The following GPC5 variants were observed in gnomAD, a reference collection of about 807,000 sequenced individuals.
GPC5 encodes the protein glypican 5.
In GPC5, 47 loss-of-function variants were observed where a neutral mutation model predicts 53.9. The observed-to-expected ratio is 0.87, with a 90% CI of 0.69 to 1.11. GPC5 has a LOEUF of 1.11. Among genes scored for constraint, GPC5 ranks in the 50% most tolerant of loss-of-function variants. The probability of loss-of-function intolerance (pLI) is 0.00; values close to 1 mark genes in which losing one functional copy is unlikely to be tolerated. For missense variants in GPC5, 748 were observed against 713.1 expected, an observed-to-expected ratio of 1.05 and a Z score of -0.56; for synonymous variants, 286 against 263.3, an observed-to-expected ratio of 1.09 and a Z score of -0.84.
At chr13:92,217,714 T>C (rs2042420810) in intron 7 of GPC5, among the ~76,000 whole-genome samples, 1 of 152,102 alleles carries the variant, frequency 6.6e-6, no homozygotes, top group South Asian at 2.1e-4. Flanking sequence ...GAATATTTTT[T>C]TTTCTTTTAA....
intron 7 of GPC5, among the ~76,000 whole-genome samples, chr13:92,705,569 AT>A (rs1389276140): frequency 3.3e-5 from 5 of 152,278 alleles, no homozygotes; most frequent in African/African-American, 9.6e-5. Flanking sequence ...TCTTGAAATA[AT>A]TTTTGTAAAT....
intron 7 of GPC5, among the ~76,000 whole-genome samples, chr13:92,192,384 T>C (rs909238794): frequency 3.3e-5 from 5 of 152,178 alleles, no homozygotes; most frequent in Admixed American, 3.3e-4. Flanking sequence ...GTTGTGAACA[T>C]ATAACTGCTC....
intron 7 of GPC5, among the ~76,000 whole-genome samples, chr13:92,830,951 T>C (rs2138821029): frequency 6.6e-6 from 1 of 152,242 alleles, no homozygotes; most frequent in Non-Finnish European, 1.5e-5. Context: ...TTCAGAGCAG[T>C]GGTACTTGGC....
chr13:91,568,027 C>T (rs2138971668), intron 2 of GPC5, among the ~76,000 whole-genome samples: 1 of 152,298 alleles, frequency 6.6e-6, no homozygotes. Context: ...TTTTCCTTCA[C>T]ATGCTAACAC....
intron 7 of GPC5, among the ~76,000 whole-genome samples, chr13:92,683,072 T>C (rs1887155660): frequency 1.3e-5 from 2 of 152,160 alleles, no homozygotes; most frequent in Non-Finnish European, 1.5e-5. Context: ...CACTGCAGTA[T>C]TTAGTGTCTA....
At chr13:92,821,430 G>A (rs762927108) in intron 7 of GPC5, among the ~76,000 whole-genome samples, 11 of 152,138 alleles carry the variant, frequency 7.2e-5, no homozygotes, top group Non-Finnish European at 1.6e-4. Flanking sequence ...GTCCCGAGGA[G>A]TTGGAAATGG....
At chr13:91,672,735 T>C (rs142093016) in intron 2 of GPC5, among the ~76,000 whole-genome samples, 3,150 of 152,328 alleles carry the variant, frequency 0.021, 45 homozygotes, top group African/African-American at 0.025. Flanking sequence ...TTACTGGGTA[T>C]ATACCCAAGG....
At chr13:92,527,715 C>G (rs146677673) in intron 7 of GPC5, among the ~76,000 whole-genome samples, 1 of 152,244 alleles carries the variant, frequency 6.6e-6, no homozygotes, top group East Asian at 1.9e-4. Flanking sequence ...GCAACCACTT[C>G]CACTAAGACA....
chr13:92,226,461 T>A (rs960240265), intron 7 of GPC5, among the ~76,000 whole-genome samples: 10 of 152,138 alleles, frequency 6.6e-5, no homozygotes, highest in African/African-American at 2.4e-4. Flanking sequence ...TTTTGAGTAA[T>A]TATGGCAGAC....
At chr13:92,317,656 C>A (rs1377405844) in intron 7 of GPC5, among the ~76,000 whole-genome samples, 1 of 107,894 alleles carries the variant, frequency 9.3e-6, no homozygotes, top group African/African-American at 6.2e-5. Flanking sequence ...ATCATGTCTG[C>A]TAATTTTTTT....
chr13:91,576,830 C>A (rs2032155920), intron 2 of GPC5, among the ~76,000 whole-genome samples: 1 of 152,202 alleles, frequency 6.6e-6, no homozygotes, highest in Admixed American at 6.5e-5. Context: ...AAGCCACCAA[C>A]TAAAACAAAG....
chr13:91,739,336 T>C (rs2036880067), intron 4 of GPC5, among the ~76,000 whole-genome samples: 1 of 151,412 alleles, frequency 6.6e-6, no homozygotes, highest in African/African-American at 2.5e-5. Context: ...GCTGCTCTAG[T>C]CCCTGGGAAA....
intron 7 of GPC5, among the ~76,000 whole-genome samples, chr13:92,741,486 T>C (rs1889092638): frequency 6.6e-6 from 1 of 152,078 alleles, no homozygotes; most frequent in African/African-American, 2.4e-5. Context: ...CCATTCTTTT[T>C]CTTTAGAAAT....
At chr13:92,539,982 T>C (rs1594288572) in intron 7 of GPC5, among the ~76,000 whole-genome samples, 2 of 152,030 alleles carry the variant, frequency 1.3e-5, no homozygotes, top group Admixed American at 6.6e-5. Flanking sequence ...TATATTATTA[T>C]AGAAACAAAC....
chr13:92,587,881 G>A (rs1034722484), intron 7 of GPC5, among the ~76,000 whole-genome samples: 8 of 151,260 alleles, frequency 5.3e-5, no homozygotes, highest in Non-Finnish European at 1.2e-4. Context: ...TATAGATCAG[G>A]TTTTTTGGGG....
intron 2 of GPC5, among the ~76,000 whole-genome samples, chr13:91,553,197 C>T (rs1426488757): frequency 1.8e-5 from 2 of 109,814 alleles, no homozygotes; most frequent in Non-Finnish European, 3.8e-5. Context: ...CAATATTTTT[C>T]CTGAAATATT....
At chr13:92,496,731 A>G (rs974428265) in intron 7 of GPC5, among the ~76,000 whole-genome samples, 1 of 152,182 alleles carries the variant, frequency 6.6e-6, no homozygotes, top group Non-Finnish European at 1.5e-5. Flanking sequence ...ATGCATACAG[A>G]CAGAGGAGAG....
At chr13:91,612,397 A>G (rs921697247) in intron 2 of GPC5, among the ~76,000 whole-genome samples, 7 of 152,214 alleles carry the variant, frequency 4.6e-5, no homozygotes, top group Admixed American at 1.3e-4. Context: ...TTAGATTTTG[A>G]TAAGTTTTCC....
chr13:92,380,217 C>T (rs1163831537), intron 7 of GPC5, among the ~76,000 whole-genome samples: 1 of 152,108 alleles, frequency 6.6e-6, no homozygotes, highest in Non-Finnish European at 1.5e-5. Context: ...CTCCAGCAGC[C>T]CCCTTTCCAG....
Sources: gnomAD v4.1 joint callset for allele counts (sites outside exome capture counted in the v4.1 genomes callset) on GRCh38, gnomAD v4.1.1 for gene constraint, MANE v1.5 for transcripts, NCBI Gene and HGNC (gene_info 2026-07-23, HGNC 2026-07-21) for gene names.